Variants in AP3D1 observed in about 807,000 individuals in gnomAD.
The protein encoded by AP3D1 is adaptor related protein complex 3 subunit delta 1, also known as AP-3 complex subunit delta-1.
Under a neutral mutation model 147.6 loss-of-function variants are expected in AP3D1, and 51 were observed. The ratio of observed to expected loss-of-function variants is 0.35; its 90% CI spans 0.28 to 0.44. The LOEUF (loss-of-function observed/expected upper bound fraction) is 0.44, where lower values mean the gene tolerates loss of function less well. Ranked by LOEUF, AP3D1 falls within the 20% of genes least tolerant of loss-of-function variation. AP3D1 has a pLI of 1.00. For synonymous variants in AP3D1, 760 were observed against 663.0 expected, an observed-to-expected ratio of 1.15 and a Z score of -2.25; for missense variants, 1,421 against 1,624.2, an observed-to-expected ratio of 0.87 and a Z score of 2.15.
intron 11 of AP3D1, 22 bp downstream of exon 11, chr19:2,123,336 C>T: frequency 6.2e-7 from 1 of 1,612,820 alleles, no homozygotes; most frequent in Non-Finnish European, 8.5e-7. Context: ...AAAATGACAG[C>T]ACTGGGGAGG....
chr19:2,143,944 G>C (rs868043144), intron 1 of AP3D1, among the ~76,000 whole-genome samples: 3 of 152,048 alleles, frequency 2.0e-5, no homozygotes, highest in Non-Finnish European at 4.4e-5. Context: ...AAAATTAGCC[G>C]GGGTGGTGGC....
At chr19:2,139,550 T>C (rs759996978) in intron 1 of AP3D1, among the ~76,000 whole-genome samples, 5 of 152,010 alleles carry the variant, frequency 3.3e-5, no homozygotes, top group South Asian at 2.1e-4. Flanking sequence ...GCGCCCAACA[T>C]AGCACCAGAG....
At chr19:2,119,420 A>G (rs2018548204) in intron 14 of AP3D1, among the ~76,000 whole-genome samples, 1 of 150,968 alleles carries the variant, frequency 6.6e-6, no homozygotes, top group Admixed American at 6.6e-5. Context: ...GAGGGCGGGC[A>G]CGGTGGCTAA....
At chr19:2,123,050 C>T (rs896156818) in intron 11 of AP3D1, among the ~76,000 whole-genome samples, 2 of 152,250 alleles carry the variant, frequency 1.3e-5, no homozygotes, top group South Asian at 2.1e-4. Flanking sequence ...GACCAAGGTG[C>T]TCAGTGAGTG....
At chr19:2,135,515 A>G (rs1359039655) in intron 4 of AP3D1, among the ~76,000 whole-genome samples, 1 of 152,220 alleles carries the variant, frequency 6.6e-6, no homozygotes, top group Admixed American at 6.5e-5. Flanking sequence ...CAGCCTGGGC[A>G]ATAGAGTGAG....
chr19:2,122,701 A>G (rs1016784375), intron 11 of AP3D1, among the ~76,000 whole-genome samples: 1 of 152,194 alleles, frequency 6.6e-6, no homozygotes, highest in Non-Finnish European at 1.5e-5. Flanking sequence ...CTCTTGCAAT[A>G]CCCGACTGTG....
At chr19:2,103,479 G>T (rs2018016169) in intron 31 of AP3D1, among the ~76,000 whole-genome samples, 1 of 152,266 alleles carries the variant, frequency 6.6e-6, no homozygotes, top group Admixed American at 6.5e-5. Flanking sequence ...GGTAACCAGA[G>T]CCCCCAGAGA....
chr19:2,141,436 C>CT lies in AP3D1; in HGVS notation c.97-2723dup, dbSNP rs571171291. 3.9e-3 allele frequency among the ~76,000 whole-genome samples: 503 copies of CT among 130,500 alleles called. 3 individuals are homozygous for CT. Among genetic ancestry groups the CT allele is most frequent in the African/African-American group, 8.1e-3 (287 of 35,412 alleles). 85.6% of individuals were successfully genotyped at this position (130,500 alleles called of 152,430 possible). A position where few individuals can be genotyped will look rare whatever the true frequency, so the allele number is the denominator to read the frequency against. Reference sequence around the variant, plus strand: ...ATACACAGGAAAACTCCCTGGGGTACTTTTTTTTTTTTTTTTTTAATGGAG... The same window carrying CT: ...ATACACAGGAAAACTCCCTGGGGTACTTTTTTTTTTTTTTTTTTTAATGGAG... On this transcript the variant is annotated intron_variant, in intron 1 of 31. Transcript: ENST00000643116.
chr19:2,153,832 G>A (rs2019623698), upstream of AP3D1, among the ~76,000 whole-genome samples: 1 of 152,146 alleles, frequency 6.6e-6, no homozygotes, highest in Non-Finnish European at 1.5e-5. Context: ...GTTTCCGGGC[G>A]TCCTTGTGAT....
At chr19:2,114,355 A>G in intron 21 of AP3D1, 53 bp from the exon 22 acceptor site, 2 of 1,452,486 alleles carry the variant, frequency 1.4e-6, no homozygotes, top group East Asian at 4.5e-5. Context: ...ACCCCCCAGG[A>G]CCACTCAGTA....
At chr19:2,159,019 T>G (rs2019672297) in intron 1 of AP3D1, among the ~76,000 whole-genome samples, 1 of 151,762 alleles carries the variant, frequency 6.6e-6, no homozygotes, top group South Asian at 2.1e-4. Context: ...TTTAATGGAG[T>G]CTAGATCTGT....
At chr19:2,107,693 C>T (rs569719057) in intron 31 of AP3D1, among the ~76,000 whole-genome samples, 5,916 of 150,624 alleles carry the variant, frequency 0.039, 312 homozygotes, top group African/African-American at 0.12. Context: ...TGAGCTGAGA[C>T]TGCACCACTG....
intron 1 of AP3D1, among the ~76,000 whole-genome samples, chr19:2,162,593 C>G (rs909350017): frequency 1.3e-5 from 2 of 151,106 alleles, no homozygotes; most frequent in Non-Finnish European, 2.9e-5. Context: ...GCCTGGGAGG[C>G]AGAGGATGCA....
At chr19:2,132,843 G>T (rs916458916) in intron 4 of AP3D1, among the ~76,000 whole-genome samples, 3 of 152,208 alleles carry the variant, frequency 2.0e-5, no homozygotes, top group South Asian at 4.1e-4. Context: ...AGTGAGGTCT[G>T]AGGCACAGGC....
intron 31 of AP3D1, 122 bp downstream of exon 31, chr19:2,108,565 G>A (rs963119699): frequency 1.2e-6 from 1 of 853,704 alleles, no homozygotes; most frequent in Non-Finnish European, 1.8e-6. Context: ...CATGGCAGCA[G>A]TGCTGCCATC....
chr19:2,110,097 CAG>C, intron 28 of AP3D1, 37 bp downstream of exon 28: 2 of 1,601,510 alleles, frequency 1.2e-6, no homozygotes, highest in African/African-American at 1.3e-5. Flanking sequence ...CCCCTGCCTG[CAG>C]AGTCGGCTCT....
chr19:2,154,287 T>C (rs200090402), upstream of AP3D1, among the ~76,000 whole-genome samples: 22 of 73,540 alleles, frequency 3.0e-4, no homozygotes, highest in Admixed American at 7.1e-4. Flanking sequence ...TTTTTTTTTC[T>C]TTTTTTTTTT....
rs763406997 is a variant in AP3D1, at chr19:2,121,725, G to A, written c.1101+9C>T. On this transcript the variant is annotated intron_variant, in intron 12 of 31. Coordinates refer to ENST00000643116, the MANE Select transcript of AP3D1 (RefSeq NM_001261826.3). Reference sequence around the variant, plus strand: ...CCAGGCGGGCGGGCGGCGGACAGAGGGCACGCACCATCCCATAGAGCAGGT... The same window carrying A: ...CCAGGCGGGCGGGCGGCGGACAGAGAGCACGCACCATCCCATAGAGCAGGT... The A allele has an allele frequency of 1.1e-5, 18 of 1,586,786 alleles. 1 individual carries two copies. The highest frequency in any genetic ancestry group is 1.5e-5 in the Non-Finnish European group (18 of 1,168,314).
At chr19:2,113,234 G>T (rs1050295098) in intron 23 of AP3D1, 102 bp downstream of exon 23, 4 of 691,258 alleles carry the variant, frequency 5.8e-6, no homozygotes, top group Non-Finnish European at 9.8e-6. Context: ...GGTGCTGACC[G>T]CGAGAGCACA....
Sources: gnomAD v4.1 joint callset for allele counts (sites outside exome capture counted in the v4.1 genomes callset) on GRCh38, gnomAD v4.1.1 for gene constraint, MANE v1.5 for transcripts, NCBI Gene and HGNC (gene_info 2026-07-23, HGNC 2026-07-21) for gene names.